Variants in CNST observed in about 807,000 individuals in gnomAD.
CNST encodes consortin, connexin sorting protein, also known as consortin.
In CNST, 39 loss-of-function variants were observed where a neutral mutation model predicts 72.4. The observed-to-expected ratio is 0.54, with a 90% CI of 0.42 to 0.70. The LOEUF (loss-of-function observed/expected upper bound fraction) is 0.70, where lower values mean the gene tolerates loss of function less well. CNST is among the 30% of genes least tolerant of loss of function. The pLI, the probability that CNST is intolerant of heterozygous loss-of-function variation, is 0.00. For synonymous variants in CNST, 332 were observed against 320.1 expected, an observed-to-expected ratio of 1.04 and a Z score of -0.40; for missense variants, 871 against 868.5, an observed-to-expected ratio of 1.00 and a Z score of -0.04.
chr1:246,588,911 G>T (rs1353855754), intron 1 of CNST, among the ~76,000 whole-genome samples: 1 of 151,892 alleles, frequency 6.6e-6, no homozygotes, highest in Non-Finnish European at 1.5e-5. Flanking sequence ...TTCAGTAACT[G>T]AATTGATGTC....
At chr1:246,633,815 C>A (rs1389813905) in intron 4 of CNST, 109 bp from the exon 5 acceptor site, 2 of 656,956 alleles carry the variant, frequency 3.0e-6, no homozygotes, top group Non-Finnish European at 5.5e-6. Flanking sequence ...AGAGTCCTCT[C>A]ATGTTTTAGT....
At chr1:246,627,343 C>T (rs960794524) in intron 3 of CNST, among the ~76,000 whole-genome samples, 6 of 152,240 alleles carry the variant, frequency 3.9e-5, no homozygotes, top group African/African-American at 9.6e-5. Context: ...CTCCTTAACT[C>T]ACTCCTTTCC....
rs772014404 is a variant in CNST, at chr1:246,576,499, C to CTTT, written c.-52+9846_-52+9848dup. 1.3e-3 allele frequency among the ~76,000 whole-genome samples: 190 copies of CTTT among 142,136 alleles called. 1 individual carries two copies. Among genetic ancestry groups the CTTT allele is most frequent in the African/African-American group, 4.6e-3 (179 of 38,640 alleles). 93.2% of individuals were successfully genotyped at this position (142,136 alleles called of 152,430 possible). ...CACATAAAAATTATGTTTTTACATC[C>CTTT]TTTTTTTTTTTTCTGAGATGGAGTC... On this transcript the variant is annotated intron_variant, in intron 1 of 10. Coordinates refer to ENST00000366513, the MANE Select transcript of CNST (RefSeq NM_152609.3).
Position 246,623,605 on chromosome 1 carries a change from C to A in CNST, c.585+1971C>A, listed in dbSNP as rs548598559. On this transcript the variant is annotated intron_variant, in intron 3 of 10. Coordinates refer to ENST00000366513, the MANE Select transcript of CNST (RefSeq NM_152609.3). Reference sequence around the variant, plus strand: ...CATCTCTTCTAAAAATATACACACACAAAAAAATTAACCAGGCATGGTGGC... The same window carrying A: ...CATCTCTTCTAAAAATATACACACAAAAAAAAATTAACCAGGCATGGTGGC... 4.2e-3 allele frequency among the ~76,000 whole-genome samples: 645 copies of A among 151,942 alleles called. 6 individuals carry two copies. Among genetic ancestry groups the A allele is most frequent in the African/African-American group, 0.014 (571 of 41,462 alleles).
At chr1:246,654,571 G>A (rs1372318427) in intron 9 of CNST, among the ~76,000 whole-genome samples, 1 of 152,172 alleles carries the variant, frequency 6.6e-6, no homozygotes, top group Non-Finnish European at 1.5e-5. Context: ...CACACATACT[G>A]TCTTCTACAT....
At chr1:246,651,676 A>C (rs1572242519) in intron 9 of CNST, among the ~76,000 whole-genome samples, 1 of 152,236 alleles carries the variant, frequency 6.6e-6, no homozygotes, top group Non-Finnish European at 1.5e-5. Flanking sequence ...AAGCTTTTTC[A>C]AACCCAGTAA....
At position 246,591,859 on chromosome 1, in the gene CNST, G is replaced by A. The variant is rs1334282577; in HGVS notation, c.297G>A (p.Gln99=). The change falls in exon 2 of 11, where the codon CAG becomes CAA. Residue 99 remains glutamine (Q), a synonymous_variant. Coordinates refer to ENST00000366513, the MANE Select transcript of CNST (RefSeq NM_152609.3). ...NTLCEASRDE[Q]AFLGKDKKIP... ...TTTGTGAAGCCTCCAGAGATGAACAGGCCTTCTTGGGAAAGGACAAAAAAA... is the reference window on the plus strand; with the variant it reads ...TTTGTGAAGCCTCCAGAGATGAACAAGCCTTCTTGGGAAAGGACAAAAAAA... 1 of 1,613,966 alleles carries A rather than the reference G, an allele frequency of 6.2e-7. No homozygotes were observed. Among genetic ancestry groups the A allele is most frequent in the African/African-American group, 1.3e-5 (1 of 74,900 alleles).
chr1:246,590,252 C>CA (rs1167380561), intron 1 of CNST, among the ~76,000 whole-genome samples: 2 of 152,118 alleles, frequency 1.3e-5, no homozygotes, highest in African/African-American at 2.4e-5. Flanking sequence ...CTGGGGGCTA[C>CA]ATGCATCAGC....
chr1:246,635,204 C>A (rs1665115183), intron 6 of CNST, among the ~76,000 whole-genome samples: 2 of 151,918 alleles, frequency 1.3e-5, no homozygotes, highest in Non-Finnish European at 1.5e-5. Context: ...GGCGTGGGCA[C>A]CTCGGAAAAA....
chr1:246,611,211 A>G (rs1663295207), intron 2 of CNST, among the ~76,000 whole-genome samples: 1 of 152,234 alleles, frequency 6.6e-6, no homozygotes, highest in East Asian at 1.9e-4. Context: ...AAGGGCAAGT[A>G]AAAACACCCA....
intron 6 of CNST, among the ~76,000 whole-genome samples, chr1:246,636,079 G>C (rs1462788047): frequency 6.6e-6 from 1 of 152,208 alleles, no homozygotes; most frequent in Non-Finnish European, 1.5e-5. Flanking sequence ...ACTTAGGCAG[G>C]GGTATGCGGC....
intron 1 of CNST, among the ~76,000 whole-genome samples, chr1:246,587,790 G>C: frequency 6.6e-6 from 1 of 152,146 alleles, no homozygotes; most frequent in East Asian, 1.9e-4. Flanking sequence ...ATACATAAGC[G>C]ATCTTGAACC....
At chr1:246,654,813 G>A (rs912817008) in intron 9 of CNST, among the ~76,000 whole-genome samples, 5 of 96,244 alleles carry the variant, frequency 5.2e-5, no homozygotes, top group African/African-American at 2.1e-4. Context: ...TATGTAAATT[G>A]CTTATCTGTG....
At chr1:246,573,008 A>G (rs946893425) in intron 1 of CNST, among the ~76,000 whole-genome samples, 9 of 152,228 alleles carry the variant, frequency 5.9e-5, no homozygotes, top group Non-Finnish European at 8.8e-5. Flanking sequence ...GTCAACTCAC[A>G]TGAAAAGAGG....
At chr1:246,617,506 C>T (rs1055010317) in intron 2 of CNST, among the ~76,000 whole-genome samples, 7 of 152,304 alleles carry the variant, frequency 4.6e-5, no homozygotes, top group Non-Finnish European at 1.0e-4. Flanking sequence ...CTTAGGGGCA[C>T]TCCTGCTTTT....
At position 246,574,580 on chromosome 1, in the gene CNST, A is replaced by ATT. The variant is rs1558524725; in HGVS notation, c.-52+7917_-52+7918insTT. Among the ~76,000 whole-genome samples the ATT allele has an allele frequency of 3.8e-3, 579 of 151,818 alleles. 3 individuals are homozygous for ATT. Among genetic ancestry groups the ATT allele is most frequent in the African/African-American group, 0.013 (556 of 41,402 alleles). Reference sequence around the variant, plus strand: ...AGCTGGGACTGCAGGTATGCAGTCTAATTTTTTTTTTTTAACTTTTTGCAG... The same window carrying ATT: ...AGCTGGGACTGCAGGTATGCAGTCTATTATTTTTTTTTTTTAACTTTTTGCAG... On this transcript the variant is annotated intron_variant, in intron 1 of 10. Coordinates refer to ENST00000366513, the MANE Select transcript of CNST (RefSeq NM_152609.3).
At chr1:246,566,764 C>T in intron 1 of CNST, 101 bp downstream of exon 1, 1 of 398,712 alleles carries the variant, frequency 2.5e-6, no homozygotes, top group Non-Finnish European at 4.4e-6. Flanking sequence ...CTGTCCTCCT[C>T]CAGCCGCGCA....
intron 2 of CNST, among the ~76,000 whole-genome samples, chr1:246,602,665 G>C (rs1662369752): frequency 6.6e-6 from 1 of 152,182 alleles, no homozygotes; most frequent in Admixed American, 6.5e-5. Flanking sequence ...ACTTATGGGA[G>C]GAGGTTGTAA....
chr1:246,626,833 A>T (rs1664469956), intron 3 of CNST, among the ~76,000 whole-genome samples: 1 of 152,090 alleles, frequency 6.6e-6, no homozygotes, highest in Non-Finnish European at 1.5e-5. Context: ...CAAACTTAAG[A>T]TGTACAAACT....
Sources: gnomAD v4.1 joint callset for allele counts (sites outside exome capture counted in the v4.1 genomes callset) on GRCh38, gnomAD v4.1.1 for gene constraint, MANE v1.5 for transcripts, NCBI Gene and HGNC (gene_info 2026-07-23, HGNC 2026-07-21) for gene names.